Variants in DCC observed in about 807,000 individuals in gnomAD.
The protein encoded by DCC is netrin receptor DCC.
Under a neutral mutation model 172.5 loss-of-function variants are expected in DCC, and 58 were observed. The ratio of observed to expected loss-of-function variants is 0.34; its 90% confidence interval spans 0.27 to 0.42. DCC has a LOEUF of 0.42. Ranked by LOEUF, DCC falls within the 10% of genes least tolerant of loss-of-function variation. The pLI, the probability that DCC is intolerant of heterozygous loss-of-function variation, is 1.00. For missense variants in DCC, 1,740 were observed against 1,791.0 expected (o/e 0.97, Z 0.51); for synonymous variants, 709 against 644.5 (o/e 1.10, Z -1.52).
chr18:52,428,480 A>G (rs28670631), intron 1 of DCC, among the ~76,000 whole-genome samples: 10 of 152,154 alleles, frequency 6.6e-5, no homozygotes, highest in African/African-American at 1.7e-4. Context: ...AAGGAGATAC[A>G]TTTGACTTGG....
chr18:53,322,924 A>G (rs1026943522), intron 14 of DCC, among the ~76,000 whole-genome samples: 4 of 152,062 alleles, frequency 2.6e-5, no homozygotes, highest in Admixed American at 6.5e-5. Context: ...TCCTTGGAAA[A>G]GAAGTAAGAT....
chr18:52,891,347 A>G (rs563513126), intron 2 of DCC, among the ~76,000 whole-genome samples: 1 of 152,112 alleles, frequency 6.6e-6, no homozygotes, highest in African/African-American at 2.4e-5. Flanking sequence ...TGTGTCTATT[A>G]CATTAGTTTT....
chr18:52,962,893 G>A (rs1250322693), intron 5 of DCC, among the ~76,000 whole-genome samples: 3 of 144,632 alleles, frequency 2.1e-5, no homozygotes, highest in Admixed American at 7.4e-5. Flanking sequence ...CTCATAGGTA[G>A]GAATTGAACA....
rs140461896 is a variant in DCC at position 53,209,939 on chromosome 18, G to T, written c.1861+2122G>T. The stretch of plus-strand genomic sequence containing the variant: ...CTTCTGGAAATGTTACAATGTTTAG[G>T]ACTTAGACAGTGTCTGTCAGTATAA... On this transcript the variant is annotated intron_variant, in intron 11 of 28. Coordinates refer to ENST00000442544, the MANE Select transcript of DCC (RefSeq NM_005215.4). 4.4e-3 allele frequency among the ~76,000 whole-genome samples: 665 copies of T among 152,224 alleles called. 8 individuals carry two copies. The Middle Eastern group carries it at 0.054, about 12-fold the overall frequency.
chr18:52,357,266 G>A (rs987080112), intron 1 of DCC, among the ~76,000 whole-genome samples: 25 of 152,156 alleles, frequency 1.6e-4, no homozygotes, highest in Non-Finnish European at 3.2e-4. Context: ...GTTGATTCTG[G>A]AACTTATGCA....
At chr18:52,978,041 A>T (rs1054244568) in intron 5 of DCC, among the ~76,000 whole-genome samples, 1 of 151,980 alleles carries the variant, frequency 6.6e-6, no homozygotes, top group Non-Finnish European at 1.5e-5. Context: ...ATGTAGCATG[A>T]AGTGAGGGGA....
At chr18:53,336,607 T>A (rs2057594213) in intron 14 of DCC, among the ~76,000 whole-genome samples, 1 of 152,176 alleles carries the variant, frequency 6.6e-6, no homozygotes. Flanking sequence ...ATTCCAACAC[T>A]TTAGGAGGCC....
intron 12 of DCC, among the ~76,000 whole-genome samples, chr18:53,302,177 C>T (rs576980400): frequency 6.6e-6 from 1 of 152,140 alleles, no homozygotes; most frequent in East Asian, 1.9e-4. Flanking sequence ...CCTTCAAGGA[C>T]TTATCTCCAA....
At chr18:53,338,532 C>T (rs1016143831) in intron 14 of DCC, among the ~76,000 whole-genome samples, 3 of 152,206 alleles carry the variant, frequency 2.0e-5, no homozygotes, top group South Asian at 2.1e-4. Context: ...ACCCAGGAGG[C>T]GGAGGTTGCA....
At chr18:53,362,300 G>A (rs1012698275) in intron 15 of DCC, among the ~76,000 whole-genome samples, 6 of 152,124 alleles carry the variant, frequency 3.9e-5, no homozygotes, top group Non-Finnish European at 7.3e-5. Flanking sequence ...AAGAATATTT[G>A]GTAATGAGTG....
rs1172187799 is a variant in DCC, at chr18:52,410,408, G to T, written c.91+69530G>T. On this transcript the variant is annotated intron_variant, in intron 1 of 28. Coordinates refer to ENST00000442544, the MANE Select transcript of DCC (RefSeq NM_005215.4). ...GATTGTGCCACTGCATTCCAGCTTG[G>T]GTTATAGAGAAATACCTCATTTGTA... is the stretch of plus-strand genomic sequence containing the variant. Among the ~76,000 whole-genome samples the T allele has an allele frequency of 2.0e-5, 3 of 152,198 alleles. No individual in the cohort carries two copies. The East Asian group carries it at 5.8e-4, about 30-fold the overall frequency.
intron 1 of DCC, among the ~76,000 whole-genome samples, chr18:52,674,851 A>C (rs1007719943): frequency 6.6e-6 from 1 of 151,618 alleles, no homozygotes; most frequent in African/African-American, 2.4e-5. Context: ...GGTTCAGGCC[A>C]GGAAAGTGGA....
At chr18:52,982,358 G>T (rs1222860250) in intron 5 of DCC, among the ~76,000 whole-genome samples, 1 of 152,108 alleles carries the variant, frequency 6.6e-6, no homozygotes, top group Non-Finnish European at 1.5e-5. Context: ...AATTGAGGAT[G>T]GTTATGACAC....
At chr18:52,489,950 A>G in intron 1 of DCC, among the ~76,000 whole-genome samples, 1 of 152,280 alleles carries the variant, frequency 6.6e-6, no homozygotes, top group African/African-American at 2.4e-5. Context: ...TATTGTGAGT[A>G]GCATAAACAT....
intron 7 of DCC, among the ~76,000 whole-genome samples, chr18:53,090,339 G>A (rs2042984180): frequency 6.6e-6 from 1 of 152,012 alleles, no homozygotes; most frequent in Admixed American, 6.6e-5. Flanking sequence ...TTTTCTGGGT[G>A]CTAGAGGTTG....
intron 1 of DCC, among the ~76,000 whole-genome samples, chr18:52,628,479 T>C (rs191819778): frequency 9.2e-5 from 14 of 152,386 alleles, no homozygotes; most frequent in African/African-American, 3.1e-4. Context: ...AATATGTGCC[T>C]GTTACAAACT....
At chr18:52,353,047 G>T (rs766754418) in intron 1 of DCC, among the ~76,000 whole-genome samples, 1 of 152,128 alleles carries the variant, frequency 6.6e-6, no homozygotes, top group Admixed American at 6.5e-5. Flanking sequence ...ATGGGAAACT[G>T]CCCCTACCAC....
chr18:52,736,464 G>T (rs1006912930), intron 1 of DCC, among the ~76,000 whole-genome samples: 2 of 151,926 alleles, frequency 1.3e-5, no homozygotes, highest in Non-Finnish European at 2.9e-5. Context: ...TAATTATCAG[G>T]TTTTTTTATG....
intron 2 of DCC, among the ~76,000 whole-genome samples, chr18:52,858,071 ATT>A (rs1342032777): frequency 6.6e-6 from 1 of 152,158 alleles, no homozygotes; most frequent in Non-Finnish European, 1.5e-5. Context: ...CAAAACAATT[ATT>A]GTTGTTTTCC....
Sources: allele counts gnomAD v4.1 joint callset (sites outside exome capture counted in the v4.1 genomes callset), GRCh38; gene constraint gnomAD v4.1.1; transcripts MANE v1.5; gene names NCBI Gene and HGNC (gene_info 2026-07-23, HGNC 2026-07-21).